PDE1A: variants seen among roughly 807,000 people sequenced by gnomAD.
PDE1A encodes the protein phosphodiesterase 1A.
Under a neutral mutation model 61.7 loss-of-function variants are expected in PDE1A, and 35 were observed. The ratio of observed to expected loss-of-function variants is 0.57; its 90% CI spans 0.43 to 0.75. The LOEUF (loss-of-function observed/expected upper bound fraction) is 0.75. Among genes scored for constraint, PDE1A ranks in the 30% least tolerant of loss-of-function variants. The pLI is 0.00. For missense variants in PDE1A, 597 were observed against 630.6 expected, an observed-to-expected ratio of 0.95 and a Z score of 0.57; for synonymous variants, 232 against 213.2, an observed-to-expected ratio of 1.09 and a Z score of -0.77.
intron 13 of PDE1A, among the ~76,000 whole-genome samples, chr2:182,181,961 C>G (rs571291846): frequency 6.6e-6 from 1 of 152,284 alleles, no homozygotes. Context: ...TAAATTTTAA[C>G]AGTTTTATAC....
chr2:182,568,455 G>A, the PDE1A span, among the ~76,000 whole-genome samples: 1 of 151,420 alleles, frequency 6.6e-6, no homozygotes, highest in Non-Finnish European at 1.5e-5. Flanking sequence ...AAGGCGGGCA[G>A]ATCACTAGGA....
intron 1 of PDE1A, among the ~76,000 whole-genome samples, chr2:182,394,386 T>A (rs2125407062): frequency 6.6e-6 from 1 of 152,258 alleles, no homozygotes; most frequent in East Asian, 1.9e-4. Flanking sequence ...CAAAACAGCA[T>A]GGGAAATTCC....
At chr2:182,586,350 C>T in the PDE1A span, among the ~76,000 whole-genome samples, 111 of 152,292 alleles carry the variant, frequency 7.3e-4, no homozygotes, top group African/African-American at 2.5e-3. Flanking sequence ...ACTCAGCCCA[C>T]TATGCAGACC....
intron 2 of PDE1A, among the ~76,000 whole-genome samples, chr2:182,503,832 G>A (rs561501837): frequency 9.2e-5 from 14 of 152,238 alleles, no homozygotes; most frequent in Admixed American, 2.0e-4. Context: ...GGTAGGGATC[G>A]TATCTGGACT....
At chr2:182,627,357 A>T in the PDE1A span, among the ~76,000 whole-genome samples, 1 of 117,926 alleles carries the variant, frequency 8.5e-6, no homozygotes, top group East Asian at 2.2e-4. Context: ...ATAAAATATA[A>T]TATATATATT....
the PDE1A span, among the ~76,000 whole-genome samples, chr2:182,567,870 G>C: frequency 6.8e-6 from 1 of 146,334 alleles, no homozygotes. Context: ...TTGACTCACT[G>C]CAACCTCTGC....
At chr2:182,500,970 G>A (rs1367906496) in intron 2 of PDE1A, among the ~76,000 whole-genome samples, 1 of 152,218 alleles carries the variant, frequency 6.6e-6, no homozygotes, top group Non-Finnish European at 1.5e-5. Context: ...ATGTGTGTAT[G>A]TGTGTAGCTA....
the PDE1A span, among the ~76,000 whole-genome samples, chr2:182,659,163 G>T: frequency 6.6e-6 from 1 of 152,106 alleles, no homozygotes; most frequent in Non-Finnish European, 1.5e-5. Context: ...TTGCCAAGCA[G>T]AATGTCTTCA....
intron 1 of PDE1A, among the ~76,000 whole-genome samples, chr2:182,394,601 C>T (rs1701599370): frequency 6.6e-6 from 1 of 152,144 alleles, no homozygotes; most frequent in Non-Finnish European, 1.5e-5. Context: ...GGACCCAAAA[C>T]ATCAATATTG....
chr2:182,425,560 T>G (rs1019561520), intron 1 of PDE1A, among the ~76,000 whole-genome samples: 17 of 152,316 alleles, frequency 1.1e-4, no homozygotes, highest in African/African-American at 4.1e-4. Context: ...AAAGGTATAA[T>G]GTTGCTATTA....
chr2:182,697,830 T>C, the PDE1A span, among the ~76,000 whole-genome samples: 3 of 152,202 alleles, frequency 2.0e-5, no homozygotes, highest in African/African-American at 7.2e-5. Context: ...GCTGTATGAC[T>C]CCATTCTCTG....
At chr2:182,668,489 C>T in the PDE1A span, among the ~76,000 whole-genome samples, 8 of 151,978 alleles carry the variant, frequency 5.3e-5, no homozygotes, top group Admixed American at 5.2e-4. Context: ...CTGTAAGCCA[C>T]ACACACATGC....
chr2:182,171,502 G>C (rs1391872192), intron 13 of PDE1A, among the ~76,000 whole-genome samples: 1 of 151,850 alleles, frequency 6.6e-6, no homozygotes, highest in Non-Finnish European at 1.5e-5. Flanking sequence ...AAGAGAGATA[G>C]ATAGAGACCT....
At chr2:182,388,669 A>T (rs13420210) in intron 1 of PDE1A, among the ~76,000 whole-genome samples, 12,249 of 152,124 alleles carry the variant, frequency 0.081, 752 homozygotes, top group African/African-American at 0.16. Flanking sequence ...AAAAGCAGTT[A>T]TAAGAGGAAA....
In PDE1A at chr2:182,403,456, G is replaced by A. The variant is rs111421796; in HGVS notation, c.53+23122C>T. ...CTACTAAAAATACAAAAAATTAGCC[G>A]TGCGTGGTGGCGGGCGCCTGTAGTC... On this transcript the variant is annotated intron_variant, in intron 1 of 13. Coordinates refer to ENST00000351439, the Ensembl canonical transcript of PDE1A. Among the ~76,000 whole-genome samples, 1,229 of 152,016 alleles carry A rather than the reference G, an allele frequency of 8.1e-3. 15 individuals are homozygous for A. The highest frequency in any genetic ancestry group is 0.028 in the African/African-American group (1,157 of 41,458).
the PDE1A span, among the ~76,000 whole-genome samples, chr2:182,555,184 A>G: frequency 6.6e-6 from 1 of 152,236 alleles, no homozygotes; most frequent in Non-Finnish European, 1.5e-5. Flanking sequence ...GAGGCACTCT[A>G]GACAATAAAC....
At chr2:182,624,140 AAAG>A in the PDE1A span, among the ~76,000 whole-genome samples, 10 of 147,408 alleles carry the variant, frequency 6.8e-5, no homozygotes, top group African/African-American at 1.9e-4. Context: ...AAAAAAAAAA[AAAG>A]AAGAAGACAG....
chr2:182,534,487 T>C, the PDE1A span, among the ~76,000 whole-genome samples: 3 of 151,964 alleles, frequency 2.0e-5, no homozygotes, highest in Non-Finnish European at 4.4e-5. Context: ...TAATGGATAT[T>C]AAATTTTTTC....
At chr2:182,302,175 G>A (rs1395005384) in intron 1 of PDE1A, among the ~76,000 whole-genome samples, 1 of 152,182 alleles carries the variant, frequency 6.6e-6, no homozygotes, top group African/African-American at 2.4e-5. Flanking sequence ...ATACATGCCA[G>A]CCCAACTTTC....
Sources: gnomAD v4.1 joint callset for allele counts (sites outside exome capture counted in the v4.1 genomes callset) on GRCh38, gnomAD v4.1.1 for gene constraint, MANE v1.5 for transcripts, NCBI Gene and HGNC (gene_info 2026-07-23, HGNC 2026-07-21) for gene names.